CACNA2D2: variants seen among roughly 807,000 people sequenced by gnomAD.
The protein encoded by CACNA2D2 is calcium voltage-gated channel auxiliary subunit alpha2delta 2, also known as voltage-dependent calcium channel subunit alpha-2/delta-2.
A neutral mutation model predicts 166.4 loss-of-function variants in CACNA2D2; 48 were observed. The ratio of observed to expected loss-of-function variants is 0.29; its 90% CI spans 0.23 to 0.37. CACNA2D2 has a LOEUF of 0.37. CACNA2D2 is among the 10% of genes least tolerant of loss of function. CACNA2D2 has a pLI of 1.00. For synonymous variants in CACNA2D2, 561 were observed against 573.7 expected (o/e 0.98, Z 0.32); for missense variants, 1,122 against 1,433.0 (o/e 0.78, Z 3.50).
At chr3:50,422,888 A>G (rs970203459) in intron 3 of CACNA2D2, among the ~76,000 whole-genome samples, 36 of 152,226 alleles carry the variant, frequency 2.4e-4, no homozygotes, top group African/African-American at 7.7e-4. Context: ...TTATTTCAGA[A>G]GTAAACAGGA....
intron 3 of CACNA2D2, among the ~76,000 whole-genome samples, chr3:50,421,059 T>C (rs569963168): frequency 2.6e-4 from 39 of 152,262 alleles, no homozygotes; most frequent in Non-Finnish European, 4.6e-4. Flanking sequence ...CTGACCTCCA[T>C]TGGCTCTCCA....
chr3:50,401,269 T>A lies in CACNA2D2; in HGVS notation c.406-7101A>T, dbSNP rs554386303. ...AAATTAGTAAAATGGATTTTTTTTT[T>A]AATTTAAAAAAGGTCAGAATCCATG... On this transcript the variant is annotated intron_variant, in intron 3 of 37. Transcript: ENST00000424201. Among the ~76,000 whole-genome samples the A allele has an allele frequency of 5.3e-5, 8 of 152,248 alleles. No homozygotes were observed. The South Asian group carries it at 8.3e-4, about 16-fold the overall frequency.
At chr3:50,413,563 C>T (rs1390808909) in intron 3 of CACNA2D2, among the ~76,000 whole-genome samples, 1 of 152,110 alleles carries the variant, frequency 6.6e-6, no homozygotes, top group African/African-American at 2.4e-5. Flanking sequence ...GGTCCCTAGG[C>T]TGGCTGAGCA....
At chr3:50,413,644 C>T (rs943513043) in intron 3 of CACNA2D2, among the ~76,000 whole-genome samples, 1 of 152,070 alleles carries the variant, frequency 6.6e-6, no homozygotes, top group African/African-American at 2.4e-5. Context: ...GCCAGGAGTT[C>T]GAGACCAGAC....
intron 2 of CACNA2D2, among the ~76,000 whole-genome samples, chr3:50,472,387 G>C (rs1219133333): frequency 6.6e-6 from 1 of 152,170 alleles, no homozygotes; most frequent in Non-Finnish European, 1.5e-5. Flanking sequence ...GAATTGGCTT[G>C]AGCCTTCCCA....
chr3:50,390,520 G>C lies in CACNA2D2; in HGVS notation c.466-2908C>G, dbSNP rs587607891. 2.7e-4 allele frequency among the ~76,000 whole-genome samples: 41 copies of C among 152,270 alleles called. 1 individual carries two copies. In the Middle Eastern group the frequency reaches 0.02, roughly 76 times the overall value. ...GAGAGGCTGAGTGTGGAAGAGTCCCGGGTGGAGTGAAACGGGTGTCCTTAA... is the reference window on the plus strand; with the variant it reads ...GAGAGGCTGAGTGTGGAAGAGTCCCCGGTGGAGTGAAACGGGTGTCCTTAA... On this transcript the variant is annotated intron_variant, in intron 4 of 37. Coordinates refer to ENST00000424201, the MANE Select transcript of CACNA2D2 (RefSeq NM_006030.4).
At chr3:50,406,309 T>C (rs1376664604) in intron 3 of CACNA2D2, among the ~76,000 whole-genome samples, 1 of 151,802 alleles carries the variant, frequency 6.6e-6, no homozygotes, top group Non-Finnish European at 1.5e-5. Flanking sequence ...AAGGCTGTGC[T>C]CACTGGAGGT....
At chr3:50,477,663 G>A (rs529684716) in intron 1 of CACNA2D2, among the ~76,000 whole-genome samples, 18 of 152,084 alleles carry the variant, frequency 1.2e-4, no homozygotes, top group Non-Finnish European at 2.2e-4. Context: ...TTCCAGGAAG[G>A]GCGCACAAAA....
At chr3:50,503,638 CGCCCG>C (rs901502510), upstream of CACNA2D2, 1 of 160,028 alleles carries the variant, frequency 6.2e-6, no homozygotes, top group African/African-American at 2.4e-5. Context: ...GCGCTCTGAG[CGCCCG>C]GCCCGGGACC....
At chr3:50,467,945 C>T (rs554263172) in intron 2 of CACNA2D2, among the ~76,000 whole-genome samples, 26 of 152,360 alleles carry the variant, frequency 1.7e-4, no homozygotes, top group African/African-American at 6.3e-4. Context: ...GGGAATGCTG[C>T]TCCTGCCGCC....
chr3:50,419,728 C>T (rs1707458083), intron 3 of CACNA2D2: 1 of 152,252 alleles, frequency 6.6e-6, no homozygotes, highest in Admixed American at 6.5e-5. Flanking sequence ...GGTGCCGTTT[C>T]CCATATCTGG....
intron 1 of CACNA2D2, among the ~76,000 whole-genome samples, chr3:50,497,757 T>C (rs1335371265): frequency 6.6e-6 from 1 of 152,172 alleles, no homozygotes; most frequent in East Asian, 1.9e-4. Context: ...TCACCTGCAC[T>C]GGCCCCCCTT....
chr3:50,443,213 T>C (rs986273200), intron 2 of CACNA2D2, among the ~76,000 whole-genome samples: 3 of 152,152 alleles, frequency 2.0e-5, no homozygotes. Context: ...TGGGCGCCCA[T>C]GTTTATGGGA....
intron 1 of CACNA2D2, among the ~76,000 whole-genome samples, chr3:50,495,740 C>A (rs1381439884): frequency 6.6e-6 from 1 of 152,198 alleles, no homozygotes; most frequent in African/African-American, 2.4e-5. Context: ...AGCACCCACT[C>A]TGAAAGGGAA....
intron 3 of CACNA2D2, among the ~76,000 whole-genome samples, chr3:50,400,747 A>G (rs1212362019): frequency 6.6e-6 from 1 of 152,216 alleles, no homozygotes; most frequent in Non-Finnish European, 1.5e-5. Context: ...CCCGTCCCTC[A>G]AGGCCCCTTC....
At chr3:50,477,770 C>A (rs1247274472) in intron 1 of CACNA2D2, among the ~76,000 whole-genome samples, 1 of 152,170 alleles carries the variant, frequency 6.6e-6, no homozygotes, top group African/African-American at 2.4e-5. Flanking sequence ...TCTGGAGGTA[C>A]CCCGGGAGCC....
chr3:50,479,288 C>A (rs1697941674), intron 1 of CACNA2D2, among the ~76,000 whole-genome samples: 1 of 152,164 alleles, frequency 6.6e-6, no homozygotes, highest in African/African-American at 2.4e-5. Context: ...AGGCCACACA[C>A]ATGTCCTCCC....
chr3:50,467,902 C>T, intron 2 of CACNA2D2, among the ~76,000 whole-genome samples: 1 of 152,242 alleles, frequency 6.6e-6, no homozygotes, highest in South Asian at 2.1e-4. Context: ...TGGAGAGAGG[C>T]CATGCTGAGC....
intron 2 of CACNA2D2, among the ~76,000 whole-genome samples, chr3:50,468,924 G>A (rs1163757194): frequency 6.6e-6 from 1 of 151,500 alleles, no homozygotes; most frequent in Non-Finnish European, 1.5e-5. Flanking sequence ...CACCTCCCAG[G>A]TTCAAGCAAT....
Sources: allele counts gnomAD v4.1 joint callset (sites outside exome capture counted in the v4.1 genomes callset), GRCh38; gene constraint gnomAD v4.1.1; transcripts MANE v1.5; gene names NCBI Gene and HGNC (gene_info 2026-07-23, HGNC 2026-07-21).